The following CCDC171 variants were observed in gnomAD, a reference collection of about 807,000 sequenced individuals.
The protein encoded by CCDC171 is coiled-coil domain containing 171.
Under a neutral mutation model 168.2 loss-of-function variants are expected in CCDC171, and 177 were observed. That is an observed-to-expected ratio of 1.05 (90% confidence interval 0.93 to 1.19). The LOEUF is 1.19. Ranked by LOEUF, CCDC171 falls within the 50% of genes most tolerant of loss-of-function variation. CCDC171 has a pLI of 0.00. For synonymous variants in CCDC171, 687 were observed against 540.8 expected (o/e 1.27, Z -3.75); for missense variants, 1,991 against 1,539.0 (o/e 1.29, Z -4.91).
chr9:15,569,802 G>C (rs1259004794), intron 2 of CCDC171, among the ~76,000 whole-genome samples: 1 of 148,852 alleles, frequency 6.7e-6, no homozygotes, highest in Non-Finnish European at 1.5e-5. Flanking sequence ...GCGACAGAGC[G>C]AGACTCCGTC....
At chr9:15,607,376 C>T (rs1423642023) in intron 6 of CCDC171, among the ~76,000 whole-genome samples, 1 of 152,114 alleles carries the variant, frequency 6.6e-6, no homozygotes, top group Non-Finnish European at 1.5e-5. Context: ...TATACATTGA[C>T]AGTATATTGT....
chr9:15,645,777 T>G (rs1402342795), intron 7 of CCDC171, among the ~76,000 whole-genome samples: 2 of 152,200 alleles, frequency 1.3e-5, no homozygotes, highest in South Asian at 4.1e-4. Context: ...CTGATTGGTG[T>G]ACCTGAAAGT....
chr9:16,052,499 A>G (rs908028221), intron 1 of CCDC171, among the ~76,000 whole-genome samples: 1 of 152,112 alleles, frequency 6.6e-6, no homozygotes, highest in Non-Finnish European at 1.5e-5. Flanking sequence ...TTCTCTTCAC[A>G]CTGGAAATGA....
chr9:15,581,570 T>C (rs962051796), intron 4 of CCDC171, among the ~76,000 whole-genome samples: 2 of 152,162 alleles, frequency 1.3e-5, no homozygotes, highest in Non-Finnish European at 2.9e-5. Context: ...ATGGTACTGA[T>C]ACCAAAACAG....
rs1219333274 is a variant in CCDC171, at chr9:15,821,609, A to G, written c.3268-25093A>G. On this transcript the variant is annotated intron_variant, in intron 21 of 25. Transcript: ENST00000380701. ...TTGCTTCAAAGAGAATAAAATACCT[A>G]GGAATCCAACTTACAAGGGACGTGA... Among the ~76,000 whole-genome samples, 2 of 116,794 alleles carry G rather than the reference A, an allele frequency of 1.7e-5. 1 individual carries two copies. Among genetic ancestry groups the G allele is most frequent in the Non-Finnish European group, 3.8e-5 (2 of 52,176 alleles). 76.6% of individuals were successfully genotyped at this position (116,794 alleles called of 152,430 possible).
intron 7 of CCDC171, among the ~76,000 whole-genome samples, chr9:15,631,221 A>G (rs1479588515): frequency 2.6e-5 from 4 of 152,042 alleles, no homozygotes; most frequent in Non-Finnish European, 5.9e-5. Flanking sequence ...CAAAAAATTA[A>G]TGAATCCAGA....
chr9:15,865,500 A>G (rs894531212), intron 23 of CCDC171, among the ~76,000 whole-genome samples: 1 of 151,882 alleles, frequency 6.6e-6, no homozygotes, highest in African/African-American at 2.4e-5. Flanking sequence ...AGACAGCAAG[A>G]CCAACCCCTC....
chr9:15,571,015 T>C (rs1005766171), intron 2 of CCDC171, among the ~76,000 whole-genome samples: 1 of 152,174 alleles, frequency 6.6e-6, no homozygotes, highest in African/African-American at 2.4e-5. Context: ...AATTCTCCTG[T>C]TTTCTGCTCT....
At chr9:15,588,290 C>A (rs2041724488) in intron 4 of CCDC171, 1 of 198,914 alleles carries the variant, frequency 5.0e-6, no homozygotes, top group South Asian at 9.2e-5. Flanking sequence ...GACCCCCGGA[C>A]TGACCAAAGC....
intron 15 of CCDC171, among the ~76,000 whole-genome samples, chr9:15,728,447 C>T (rs2053954361): frequency 6.6e-6 from 1 of 152,056 alleles, no homozygotes; most frequent in Admixed American, 6.6e-5. Context: ...AAATTCTTTG[C>T]TTAGGAAATA....
chr9:15,573,813 C>T (rs939716600), intron 3 of CCDC171, among the ~76,000 whole-genome samples: 5 of 151,988 alleles, frequency 3.3e-5, no homozygotes, highest in Admixed American at 6.5e-5. Context: ...GTAATCCCAG[C>T]ACTTTGGGAG....
intron 10 of CCDC171, among the ~76,000 whole-genome samples, chr9:15,692,395 G>C (rs933692418): frequency 2.0e-5 from 3 of 150,232 alleles, no homozygotes; most frequent in African/African-American, 4.9e-5. Context: ...GTCATTTTTT[G>C]TTTGTTGGCT....
At chr9:15,697,209 C>T (rs1316709794) in intron 11 of CCDC171, among the ~76,000 whole-genome samples, 1 of 152,226 alleles carries the variant, frequency 6.6e-6, no homozygotes, top group Non-Finnish European at 1.5e-5. Context: ...GCAGTGGCTT[C>T]ATTTTTCAGC....
the CCDC171 span, among the ~76,000 whole-genome samples, chr9:16,094,981 C>G: frequency 6.6e-6 from 1 of 152,118 alleles, no homozygotes; most frequent in South Asian, 2.1e-4. Flanking sequence ...GTGGGTAGCA[C>G]CTGGCCCATC....
intron 24 of CCDC171, among the ~76,000 whole-genome samples, chr9:15,905,088 C>T (rs1370816195): frequency 9.2e-5 from 14 of 152,262 alleles, no homozygotes; most frequent in African/African-American, 1.7e-4. Flanking sequence ...CTTTAACACC[C>T]CACTGTCAAC....
chr9:15,872,294 G>T (rs2062073149), intron 23 of CCDC171, among the ~76,000 whole-genome samples: 1 of 151,832 alleles, frequency 6.6e-6, no homozygotes, highest in Non-Finnish European at 1.5e-5. Context: ...CAAAAATATT[G>T]AAATGACAAT....
intron 6 of CCDC171, 87 bp from the exon 7 acceptor site, chr9:15,623,180 T>A (rs2044645364): frequency 2.3e-6 from 2 of 877,790 alleles, no homozygotes; most frequent in African/African-American, 1.7e-5. Context: ...AAGCACAGAT[T>A]TAGTTACTCA....
intron 4 of CCDC171, among the ~76,000 whole-genome samples, chr9:15,582,481 G>A (rs1053381451): frequency 3.3e-5 from 5 of 152,114 alleles, no homozygotes; most frequent in Non-Finnish European, 4.4e-5. Flanking sequence ...ACATGCACAC[G>A]TATGTTTATT....
intron 7 of CCDC171, among the ~76,000 whole-genome samples, chr9:15,638,521 A>G (rs1025324620): frequency 3.3e-5 from 5 of 152,104 alleles, no homozygotes; most frequent in African/African-American, 4.8e-5. Context: ...AAAGTACATT[A>G]TTTAATATCA....
Sources: gnomAD v4.1 joint callset for allele counts (sites outside exome capture counted in the v4.1 genomes callset) on GRCh38, gnomAD v4.1.1 for gene constraint, MANE v1.5 for transcripts, NCBI Gene and HGNC (gene_info 2026-07-23, HGNC 2026-07-21) for gene names.